ARHGEF3: variants seen among roughly 807,000 people sequenced by gnomAD.
ARHGEF3 encodes Rho guanine nucleotide exchange factor 3, also known as 59.8 kDA protein.
In ARHGEF3, 28 loss-of-function variants were observed where a neutral mutation model predicts 63.2. That is an observed-to-expected ratio of 0.44 (90% CI 0.33 to 0.61). The LOEUF is 0.61. ARHGEF3 is among the 20% of genes least tolerant of loss of function. ARHGEF3 has a pLI of 0.03. For missense variants in ARHGEF3, 533 were observed against 659.3 expected (o/e 0.81, Z 2.10); for synonymous variants, 266 against 254.2 (o/e 1.05, Z -0.44).
intron 1 of ARHGEF3, among the ~76,000 whole-genome samples, chr3:56,795,914 G>A (rs1460336668): frequency 6.6e-6 from 1 of 151,728 alleles, no homozygotes; most frequent in East Asian, 1.9e-4. Flanking sequence ...AGGACTACAG[G>A]CGTGAGCCAC....
chr3:57,019,265 G>A (rs981240473), intron 2 of ARHGEF3, among the ~76,000 whole-genome samples: 8 of 152,210 alleles, frequency 5.3e-5, no homozygotes, highest in African/African-American at 1.7e-4. Flanking sequence ...GGGCTCTGTA[G>A]GTGGCCATTT....
At chr3:57,039,699 C>G (rs759556103) in intron 1 of ARHGEF3, among the ~76,000 whole-genome samples, 1 of 152,176 alleles carries the variant, frequency 6.6e-6, no homozygotes, top group Non-Finnish European at 1.5e-5. Flanking sequence ...CGGCTTGTGG[C>G]TCCTCCTCTT....
intron 4 of ARHGEF3, among the ~76,000 whole-genome samples, chr3:56,860,383 A>C (rs892132209): frequency 3.9e-5 from 6 of 152,036 alleles, no homozygotes; most frequent in African/African-American, 1.4e-4. Context: ...GGGTCTTACT[A>C]TGTTGCCCAG....
In ARHGEF3 at chr3:56,877,995, G is replaced by A. The variant is rs115563675; in HGVS notation, c.192+4297C>T. On this transcript the variant is annotated intron_variant, in intron 4 of 12. Coordinates refer to the ARHGEF3 transcript ENST00000338458. ...CATCAAAATGTAGCTATGGCTTTGA[G>A]GTGGGATTGTCAAACTATTGTTCAC... is the stretch of plus-strand genomic sequence containing the variant. 6.0e-3 allele frequency among the ~76,000 whole-genome samples: 914 copies of A among 152,294 alleles called. 12 individuals are homozygous for A. Among genetic ancestry groups the A allele is most frequent in the African/African-American group, 0.02 (834 of 41,566 alleles).
chr3:56,734,364 C>G (rs547925248), intron 8 of ARHGEF3, among the ~76,000 whole-genome samples: 3 of 152,212 alleles, frequency 2.0e-5, no homozygotes, highest in Non-Finnish European at 4.4e-5. Flanking sequence ...TAAGTGGGAG[C>G]TAAATCTTGG....
At position 57,034,299 on chromosome 3, in the gene ARHGEF3, T is replaced by TA. The variant is rs34080875; in HGVS notation, c.62+788dup. On this transcript the variant is annotated intron_variant, in intron 2 of 12. Transcript: ENST00000338458. ...CAGGCACACACTACCACAAATGGCTTAAAAAAAAAAAAGGCATAAGAAAGA... is the reference window on the plus strand; with the variant it reads ...CAGGCACACACTACCACAAATGGCTTAAAAAAAAAAAAAGGCATAAGAAAGA... Among the ~76,000 whole-genome samples the TA allele has an allele frequency of 3.4e-3, 477 of 139,212 alleles. 2 individuals carry two copies. Among genetic ancestry groups the TA allele is most frequent in the African/African-American group, 9.7e-3 (365 of 37,492 alleles). 91.3% of individuals were successfully genotyped at this position (139,212 alleles called of 152,430 possible). A position where few individuals can be genotyped will look rare whatever the true frequency, so the allele number is the denominator to read the frequency against.
chr3:56,932,337 T>A (rs968808676), intron 3 of ARHGEF3, among the ~76,000 whole-genome samples: 1 of 152,140 alleles, frequency 6.6e-6, no homozygotes, highest in Admixed American at 6.5e-5. Flanking sequence ...AAGGAAACCA[T>A]TATTAATATT....
At chr3:56,918,872 G>GAAGTATACACATTCA (rs2042053730) in intron 3 of ARHGEF3, among the ~76,000 whole-genome samples, 1 of 152,170 alleles carries the variant, frequency 6.6e-6, no homozygotes, top group African/African-American at 2.4e-5. Context: ...TCACACATTC[G>GAAGTATACACATTCA]AACCACACAG....
At chr3:56,770,505 A>T (rs2035948682) in intron 2 of ARHGEF3, among the ~76,000 whole-genome samples, 1 of 152,212 alleles carries the variant, frequency 6.6e-6, no homozygotes, top group African/African-American at 2.4e-5. Context: ...CTAGCTGGTG[A>T]GGGAAACTAT....
chr3:56,878,920 C>T (rs1413492842), intron 4 of ARHGEF3, among the ~76,000 whole-genome samples: 1 of 152,232 alleles, frequency 6.6e-6, no homozygotes, highest in Non-Finnish European at 1.5e-5. Context: ...AGTTCCACCT[C>T]CTGTCAGATC....
chr3:56,775,060 A>T, intron 1 of ARHGEF3: 1 of 1,551,456 alleles, frequency 6.4e-7, no homozygotes, highest in Non-Finnish European at 8.7e-7. Context: ...TGAAGATACC[A>T]AATTTTGATG....
chr3:57,026,223 G>C (rs891596776), intron 2 of ARHGEF3, among the ~76,000 whole-genome samples: 1 of 152,076 alleles, frequency 6.6e-6, no homozygotes, highest in East Asian at 1.9e-4. Context: ...AACATAGTGA[G>C]AGTCCATCTA....
chr3:56,926,111 A>T (rs2042267775), intron 3 of ARHGEF3, among the ~76,000 whole-genome samples: 1 of 152,234 alleles, frequency 6.6e-6, no homozygotes, highest in Non-Finnish European at 1.5e-5. Flanking sequence ...TAGGCTGCAG[A>T]GGAAGAAGCC....
intron 1 of ARHGEF3, among the ~76,000 whole-genome samples, chr3:56,785,160 C>T (rs189694435): frequency 6.6e-6 from 1 of 152,266 alleles, no homozygotes; most frequent in Non-Finnish European, 1.5e-5. Flanking sequence ...AATAACTGCT[C>T]TGGCCACTGA....
At chr3:56,848,393 T>G (rs2039560255) in intron 4 of ARHGEF3, among the ~76,000 whole-genome samples, 1 of 152,192 alleles carries the variant, frequency 6.6e-6, no homozygotes, top group African/African-American at 2.4e-5. Flanking sequence ...GGCAATTCAC[T>G]TAACTCCTCA....
At chr3:57,009,815 A>G (rs1702609556) in intron 2 of ARHGEF3, among the ~76,000 whole-genome samples, 1 of 152,080 alleles carries the variant, frequency 6.6e-6, no homozygotes, top group African/African-American at 2.4e-5. Context: ...AGGTGGTAAT[A>G]ATAATCATGT....
chr3:56,823,004 G>A (rs569861689), intron 4 of ARHGEF3, among the ~76,000 whole-genome samples: 63 of 152,226 alleles, frequency 4.1e-4, no homozygotes, highest in African/African-American at 1.5e-3. Flanking sequence ...TGGTGTTTCC[G>A]TAAATATTGT....
chr3:56,945,517 T>C (rs1006048851), intron 3 of ARHGEF3, among the ~76,000 whole-genome samples: 2 of 152,130 alleles, frequency 1.3e-5, no homozygotes, highest in African/African-American at 4.8e-5. Context: ...GACTCGCTCA[T>C]TGCTAGCACA....
At chr3:56,900,070 C>T (rs901571337) in intron 3 of ARHGEF3, among the ~76,000 whole-genome samples, 12 of 151,936 alleles carry the variant, frequency 7.9e-5, no homozygotes, top group Admixed American at 3.9e-4. Flanking sequence ...GGGGAGTGAA[C>T]GGGAAGTGAA....
Sources: gnomAD v4.1 joint callset for allele counts (sites outside exome capture counted in the v4.1 genomes callset) on GRCh38, gnomAD v4.1.1 for gene constraint, MANE v1.5 for transcripts, NCBI Gene and HGNC (gene_info 2026-07-23, HGNC 2026-07-21) for gene names.